The following LDAF1 variants were observed in gnomAD, a reference collection of about 807,000 sequenced individuals.
LDAF1 encodes the protein PROMETHIN.
Under a neutral mutation model 13.5 loss-of-function variants are expected in LDAF1, and 7 were observed. The observed-to-expected ratio is 0.52, with a 90% confidence interval of 0.29 to 0.97. The LOEUF (loss-of-function observed/expected upper bound fraction) is 0.97. Ranked by LOEUF, LDAF1 falls within the 50% of genes least tolerant of loss-of-function variation. The pLI, the probability that LDAF1 is intolerant of heterozygous loss-of-function variation, is 0.07. For missense variants in LDAF1, 148 were observed against 193.2 expected (o/e 0.77, Z 1.39); for synonymous variants, 69 against 77.1 (o/e 0.89, Z 0.55).
chr16:21,170,157 C>T (rs750976180), intron 2 of LDAF1: 11 of 216,976 alleles, frequency 5.1e-5, no homozygotes, highest in East Asian at 1.8e-4. Flanking sequence ...CACACACCAC[C>T]GTGCCTGGCT....
At position 21,170,557 on chromosome 16, in the gene LDAF1, G is replaced by A. The variant is rs375852893; in HGVS notation, c.217G>A (p.Val73Met). The change falls in exon 3 of 5, where the codon GTG (valine) becomes ATG (methionine). Residue 73 changes from valine to methionine, a missense_variant. Coordinates refer to ENST00000233047, the MANE Select transcript of LDAF1 (RefSeq NM_001301771.2). The part of the protein sequence containing the change: ...AVPVGFFLLI[V>M]VLTTLAALLG... ...TCCTGTTGGATTCTTCCTGCTCATC[G>A]TGGTGCTTACCACCCTGGCTGCTCT... 1.4e-5 allele frequency: 23 copies of A among 1,614,040 alleles called. No homozygotes were observed. In the East Asian group the frequency reaches 2.0e-4, roughly 14 times the overall value.
At position 21,176,474 on chromosome 16, in the gene LDAF1, C is replaced by G. The variant is rs2093139285; in HGVS notation, c.404+2326C>G. 2.0e-5 allele frequency among the ~76,000 whole-genome samples: 3 copies of G among 152,090 alleles called. No individual in the cohort carries two copies. In the South Asian group the frequency reaches 6.2e-4, roughly 32 times the overall value. On this transcript the variant is annotated intron_variant, in intron 4 of 4. Coordinates refer to ENST00000233047, the MANE Select transcript of LDAF1 (RefSeq NM_001301771.2). ...CCTAGGCAACATGGCAAGACCACAT[C>G]TCTACAAAAAATACAAAAATTAGCC...
chr16:21,178,767 G>A (rs1473795723), intron 4 of LDAF1: 1 of 152,240 alleles, frequency 6.6e-6, no homozygotes, highest in African/African-American at 2.4e-5. Flanking sequence ...TTTGTCAGAT[G>A]GCCGCTGGTT....
chr16:21,168,174 C>G (rs1196282637), intron 2 of LDAF1, among the ~76,000 whole-genome samples: 1 of 151,960 alleles, frequency 6.6e-6, no homozygotes, highest in East Asian at 2.0e-4. Flanking sequence ...GCCACCATGC[C>G]TGGCTGATTT....
chr16:21,168,995 ATAAT>A (rs1376186147), intron 2 of LDAF1, among the ~76,000 whole-genome samples: 1 of 141,572 alleles, frequency 7.1e-6, no homozygotes, highest in Admixed American at 7.4e-5. Flanking sequence ...ATAAACATAT[ATAAT>A]TATTATATTA....
At chr16:21,164,968 C>A (rs1156544348) in intron 2 of LDAF1, among the ~76,000 whole-genome samples, 1 of 152,186 alleles carries the variant, frequency 6.6e-6, no homozygotes, top group Non-Finnish European at 1.5e-5. Context: ...TAAAGCAGTG[C>A]CCAGCACCTG....
At chr16:21,173,979 A>G (rs769363138) in intron 3 of LDAF1, 31 bp from the exon 4 acceptor site, 2 of 1,601,486 alleles carry the variant, frequency 1.2e-6, no homozygotes, top group Admixed American at 3.5e-5. Flanking sequence ...GTTTGAGATG[A>G]ACCCTTCTCC....
intron 4 of LDAF1, chr16:21,178,276 T>G (rs1256749809): frequency 1.0e-6 from 1 of 985,350 alleles, no homozygotes; most frequent in Middle Eastern, 5.2e-4. Context: ...TGGGCAGCTG[T>G]GTTTATTTGC....
At position 21,179,697 on chromosome 16, in the gene LDAF1, C is replaced by G; in HGVS notation, c.*141C>G. 1.5e-6 allele frequency: 1 copy of G among 650,548 alleles called. No individual in the cohort carries two copies. The highest frequency in any genetic ancestry group is 2.8e-5 in the East Asian group (1 of 35,436). 40.3% of individuals were successfully genotyped at this position (650,548 alleles called of 1,614,324 possible). ...TCGCTTTTTCACTTACTTGTAGGAT[C>G]CCGCAGCAGCCAATTTAGGGATTGT... On this transcript the variant is annotated 3_prime_UTR_variant, in exon 5 of 5. Transcript: ENST00000233047.
Position 21,179,711 on chromosome 16 carries a change from T to C in LDAF1, c.*155T>C. On this transcript the variant is annotated 3_prime_UTR_variant, in exon 5 of 5. Coordinates refer to ENST00000233047, the MANE Select transcript of LDAF1 (RefSeq NM_001301771.2). ...ACTTGTAGGATCCCGCAGCAGCCAATTTAGGGATTGTGTTGTTCTTGTGTT... is the reference window on the plus strand; with the variant it reads ...ACTTGTAGGATCCCGCAGCAGCCAACTTAGGGATTGTGTTGTTCTTGTGTT... The C allele has an allele frequency of 1.6e-6, 1 of 616,092 alleles. No homozygotes were observed. Among genetic ancestry groups the C allele is most frequent in the South Asian group, 2.0e-5 (1 of 49,944 alleles). 38.2% of individuals were successfully genotyped at this position (616,092 alleles called of 1,614,324 possible).
chr16:21,178,071 TA>T, intron 4 of LDAF1: 1 of 440,738 alleles, frequency 2.3e-6, no homozygotes, highest in Non-Finnish European at 3.0e-6. Flanking sequence ...CTTAAATTTT[TA>T]AAAAAGAAAA....
Position 21,164,393 on chromosome 16 carries a change from C to T in LDAF1, c.96+3115C>T, listed in dbSNP as rs2093005384. ...CTGAGTAGCTGGGACTACAGGTGCACACCAGCATACTCAGCTAATGTTTTA... is the reference window on the plus strand; with the variant it reads ...CTGAGTAGCTGGGACTACAGGTGCATACCAGCATACTCAGCTAATGTTTTA... On this transcript the variant is annotated intron_variant, in intron 2 of 4. Coordinates refer to ENST00000233047, the MANE Select transcript of LDAF1 (RefSeq NM_001301771.2). 2.6e-5 allele frequency among the ~76,000 whole-genome samples: 4 copies of T among 152,230 alleles called. No homozygotes were observed. The South Asian group carries it at 8.3e-4, about 32-fold the overall frequency.
chr16:21,159,614 T>G (rs1170616175), intron 1 of LDAF1, among the ~76,000 whole-genome samples: 3 of 152,266 alleles, frequency 2.0e-5, no homozygotes, highest in Admixed American at 2.0e-4. Context: ...GGCGGGGCAC[T>G]CCTTGGCCGC....
rs1051972150 is a variant in LDAF1, at chr16:21,159,192, C to T, written c.-99+446C>T. 1.1e-5 allele frequency: 10 copies of T among 902,698 alleles called. No homozygotes were observed. The African/African-American group carries it at 1.3e-4, about 12-fold the overall frequency. 55.9% of individuals were successfully genotyped at this position (902,698 alleles called of 1,614,324 possible). On this transcript the variant is annotated intron_variant, in intron 1 of 4. Transcript: ENST00000233047. ...TCTTCTCCACCGAGGTCCCCTTCCC[C>T]ATCGCTGCAGAGAGATCTGCAAGTA... is the stretch of plus-strand genomic sequence containing the variant.
chr16:21,177,933 T>A (rs887086809), intron 4 of LDAF1, among the ~76,000 whole-genome samples: 1 of 152,110 alleles, frequency 6.6e-6, no homozygotes, highest in African/African-American at 2.4e-5. Flanking sequence ...TAGTGAATTC[T>A]TTATAACTCA....
At chr16:21,174,217 CCTCA>C (rs1272658942) in intron 4 of LDAF1, 69 bp downstream of exon 4, 24 of 1,425,032 alleles carry the variant, frequency 1.7e-5, no homozygotes, top group Admixed American at 2.2e-5. Flanking sequence ...TGAGACAAGG[CCTCA>C]CTCTGTCACT....
intron 4 of LDAF1, 33 bp downstream of exon 4, chr16:21,174,181 T>G: frequency 6.3e-7 from 1 of 1,585,908 alleles, no homozygotes; most frequent in Admixed American, 1.8e-5. Flanking sequence ...ATTTATTTTT[T>G]TAATCTTTCT....
At chr16:21,170,408 A>T in intron 2 of LDAF1, 29 bp from the exon 3 acceptor site, 1 of 1,612,824 alleles carries the variant, frequency 6.2e-7, no homozygotes, top group Middle Eastern at 1.7e-4. Context: ...TGTGTTACTT[A>T]TCCCTGGCTC....
At chr16:21,169,548 A>G (rs758336733) in intron 2 of LDAF1, among the ~76,000 whole-genome samples, 3 of 152,228 alleles carry the variant, frequency 2.0e-5, no homozygotes, top group African/African-American at 4.8e-5. Flanking sequence ...GCCTCAAGCA[A>G]TCTTCCTGCC....
Sources: gnomAD v4.1 joint callset for allele counts (sites outside exome capture counted in the v4.1 genomes callset) on GRCh38, gnomAD v4.1.1 for gene constraint, MANE v1.5 for transcripts, NCBI Gene and HGNC (gene_info 2026-07-23, HGNC 2026-07-21) for gene names.